LCLAT1: variants seen among roughly 807,000 people sequenced by gnomAD.
LCLAT1 encodes the protein 1-AGP acyltransferase 8.
LCLAT1 carries 11 observed loss-of-function variants against 30.7 expected under a neutral mutation model. The observed-to-expected ratio is 0.36, with a 90% CI of 0.23 to 0.59. LCLAT1 has a LOEUF of 0.59. Among genes scored for constraint, LCLAT1 ranks in the 20% least tolerant of loss-of-function variants. The pLI, the probability that LCLAT1 is intolerant of heterozygous loss-of-function variation, is 0.77. For missense variants in LCLAT1, 402 were observed against 458.6 expected (o/e 0.88, Z 1.13); for synonymous variants, 155 against 151.3 (o/e 1.02, Z -0.18).
intron 1 of LCLAT1, among the ~76,000 whole-genome samples, chr2:30,508,889 C>A (rs1457572043): frequency 6.6e-6 from 1 of 152,164 alleles, no homozygotes; most frequent in Non-Finnish European, 1.5e-5. Context: ...TTGATTCTTT[C>A]TATCCATGAG....
chr2:30,610,340 A>ATTCT (rs1000460653), intron 5 of LCLAT1, among the ~76,000 whole-genome samples: 7 of 152,052 alleles, frequency 4.6e-5, no homozygotes, highest in African/African-American at 1.7e-4. Flanking sequence ...CCTGAAACAA[A>ATTCT]TTCTTTTTGT....
At chr2:30,536,956 A>G (rs1686276015) in intron 3 of LCLAT1, among the ~76,000 whole-genome samples, 2 of 152,266 alleles carry the variant, frequency 1.3e-5, no homozygotes, top group African/African-American at 4.8e-5. Flanking sequence ...GGACCCAACT[A>G]TATGCTGCCT....
At chr2:30,622,658 C>T (rs1422599147) in intron 5 of LCLAT1, among the ~76,000 whole-genome samples, 2 of 152,120 alleles carry the variant, frequency 1.3e-5, no homozygotes, top group Admixed American at 6.5e-5. Flanking sequence ...AGTCACCAGC[C>T]GGAAGCCTGG....
At chr2:30,620,640 A>C (rs1211237789) in intron 5 of LCLAT1, among the ~76,000 whole-genome samples, 1 of 152,186 alleles carries the variant, frequency 6.6e-6, no homozygotes, top group Non-Finnish European at 1.5e-5. Context: ...CTGCAATAAA[A>C]CTTTAGAAGA....
At chr2:30,551,101 C>T (rs1196828867) in intron 3 of LCLAT1, among the ~76,000 whole-genome samples, 1 of 152,058 alleles carries the variant, frequency 6.6e-6, no homozygotes, top group Admixed American at 6.6e-5. Context: ...GCCTCAGCCT[C>T]CTTAATAGCT....
At chr2:30,455,771 G>T (rs758746848) in intron 1 of LCLAT1, among the ~76,000 whole-genome samples, 1 of 151,972 alleles carries the variant, frequency 6.6e-6, no homozygotes, top group Non-Finnish European at 1.5e-5. Context: ...TTAGCCAGAT[G>T]TGGTGGCATG....
At chr2:30,588,340 CT>C (rs2148474871) in intron 5 of LCLAT1, among the ~76,000 whole-genome samples, 1 of 152,370 alleles carries the variant, frequency 6.6e-6, no homozygotes, top group Non-Finnish European at 1.5e-5. Context: ...TTGCTCTCCT[CT>C]CCTGTCCTTT....
At chr2:30,568,007 CTTGT>C (rs1366655853) in intron 4 of LCLAT1, 49 bp from the exon 5 acceptor site, 29 of 923,662 alleles carry the variant, frequency 3.1e-5, no homozygotes, top group Non-Finnish European at 4.5e-5. Flanking sequence ...CTTTCCTTAC[CTTGT>C]TTATTTCCCT....
At position 30,533,736 on chromosome 2, in the gene LCLAT1, A is replaced by G. The variant is rs184114248; in HGVS notation, c.364+422A>G. ...GTAGGTTCGAAGCATTCATTATGCTAGGTGCTGGTACTTTCTGAACTTCCC... is the reference window on the plus strand; with the variant it reads ...GTAGGTTCGAAGCATTCATTATGCTGGGTGCTGGTACTTTCTGAACTTCCC... On this transcript the variant is annotated intron_variant, in intron 3 of 5. Coordinates refer to ENST00000379509, the MANE Select transcript of LCLAT1 (RefSeq NM_001002257.3). Among the ~76,000 whole-genome samples the G allele has an allele frequency of 4.8e-3, 737 of 152,352 alleles. 5 individuals are homozygous for G. The highest frequency in any genetic ancestry group is 8.2e-3 in the Non-Finnish European group (556 of 68,030).
In LCLAT1 at chr2:30,590,906, C is replaced by G. The variant is rs77181921; in HGVS notation, c.628+22730C>G. 2.7e-3 allele frequency among the ~76,000 whole-genome samples: 412 copies of G among 152,200 alleles called. 2 individuals are homozygous for G. Among genetic ancestry groups the G allele is most frequent in the African/African-American group, 9.4e-3 (390 of 41,560 alleles). On this transcript the variant is annotated intron_variant, in intron 5 of 5. Coordinates refer to ENST00000379509, the MANE Select transcript of LCLAT1 (RefSeq NM_001002257.3). ...AAGACTAGATATCACAGATGAAATA[C>G]ACTGCATGATTTGTAACATCAAAGC...
At chr2:30,576,488 G>A (rs1189858367) in intron 5 of LCLAT1, among the ~76,000 whole-genome samples, 4 of 152,100 alleles carry the variant, frequency 2.6e-5, no homozygotes, top group African/African-American at 9.7e-5. Flanking sequence ...ATAAGTTTCA[G>A]TGAGTATGCA....
intron 1 of LCLAT1, among the ~76,000 whole-genome samples, chr2:30,451,309 ATAT>A (rs1558444808): frequency 6.6e-6 from 1 of 152,166 alleles, no homozygotes; most frequent in Admixed American, 6.5e-5. Flanking sequence ...GATCTCTTAC[ATAT>A]TGTTGGTGGG....
intron 4 of LCLAT1, 34 bp from the exon 5 acceptor site, chr2:30,568,026 T>A (rs369375764): frequency 9.8e-6 from 11 of 1,124,532 alleles, no homozygotes; most frequent in Non-Finnish European, 1.3e-5. Flanking sequence ...TTCCCTTTAG[T>A]TTATGATTTA....
chr2:30,516,547 G>A (rs1685193943), intron 1 of LCLAT1, among the ~76,000 whole-genome samples: 1 of 152,128 alleles, frequency 6.6e-6, no homozygotes, highest in African/African-American at 2.4e-5. Flanking sequence ...GTGACCCACG[G>A]CTTCTAACAG....
intron 1 of LCLAT1, among the ~76,000 whole-genome samples, chr2:30,473,854 A>G (rs829645): frequency 0.22 from 33,860 of 152,090 alleles, 3,866 homozygotes; most frequent in East Asian, 0.35. Context: ...GTGCTAATTT[A>G]TACCAGTGAA....
intron 1 of LCLAT1, among the ~76,000 whole-genome samples, chr2:30,464,238 T>A (rs1479798194): frequency 6.6e-6 from 1 of 152,182 alleles, no homozygotes; most frequent in Non-Finnish European, 1.5e-5. Context: ...GACTCTTGAT[T>A]CTTGGCCCAT....
At chr2:30,609,233 C>G (rs1271152742) in intron 5 of LCLAT1, among the ~76,000 whole-genome samples, 2 of 151,860 alleles carry the variant, frequency 1.3e-5, no homozygotes, top group South Asian at 2.2e-4. Flanking sequence ...ATTCATTGAA[C>G]AGAAATTCCT....
chr2:30,612,365 C>T (rs948838425), intron 5 of LCLAT1, among the ~76,000 whole-genome samples: 2 of 152,094 alleles, frequency 1.3e-5, no homozygotes, highest in Admixed American at 6.6e-5. Flanking sequence ...AACATAAGCT[C>T]CTTAAACCTA....
chr2:30,511,405 C>T (rs1684932154), intron 1 of LCLAT1, among the ~76,000 whole-genome samples: 1 of 152,206 alleles, frequency 6.6e-6, no homozygotes, highest in South Asian at 2.1e-4. Flanking sequence ...CTGTTCAATA[C>T]TGTGGCCACT....
Sources: allele counts gnomAD v4.1 joint callset (sites outside exome capture counted in the v4.1 genomes callset), GRCh38; gene constraint gnomAD v4.1.1; transcripts MANE v1.5; gene names NCBI Gene and HGNC (gene_info 2026-07-23, HGNC 2026-07-21).